STEAP3: variants seen among roughly 807,000 people sequenced by gnomAD.
The protein encoded by STEAP3 is metalloreductase STEAP3.
STEAP3 carries 35 observed loss-of-function variants against 34.9 expected under a neutral mutation model. The ratio of observed to expected loss-of-function variants is 1.00; its 90% CI spans 0.76 to 1.33. The LOEUF (loss-of-function observed/expected upper bound fraction) is 1.33, where lower values mean the gene tolerates loss of function less well. Ranked by LOEUF, STEAP3 falls within the 40% of genes most tolerant of loss-of-function variation. The pLI is 0.00. For missense variants in STEAP3, 652 were observed against 667.6 expected, an observed-to-expected ratio of 0.98 and a Z score of 0.26; for synonymous variants, 281 against 301.6, an observed-to-expected ratio of 0.93 and a Z score of 0.71.
chr2:119,245,463 G>C lies in STEAP3; in HGVS notation c.23-26G>C, dbSNP rs761300528. 14 of 1,556,692 alleles carry C rather than the reference G, an allele frequency of 9.0e-6. No individual in the cohort carries two copies. In the East Asian group the frequency reaches 3.2e-4, roughly 35 times the overall value. On this transcript the variant is annotated intron_variant, in intron 2 of 5. Transcript: ENST00000393110. Reference sequence around the variant, plus strand: ...AGGGGCAGTCCAGGAGCCCTCCACTGACCAGGTTCCTGACTTCTCTTGCAG... The same window carrying C: ...AGGGGCAGTCCAGGAGCCCTCCACTCACCAGGTTCCTGACTTCTCTTGCAG...
chr2:119,249,948 C>T (rs1677573429), intron 4 of STEAP3, among the ~76,000 whole-genome samples: 1 of 152,170 alleles, frequency 6.6e-6, no homozygotes, highest in African/African-American at 2.4e-5. Flanking sequence ...CTAAGAGCTT[C>T]GTACACCACT....
At chr2:119,238,192 T>C (rs1409099351) in intron 2 of STEAP3, among the ~76,000 whole-genome samples, 2 of 152,240 alleles carry the variant, frequency 1.3e-5, no homozygotes, top group Non-Finnish European at 2.9e-5. Context: ...CTGGGTCATA[T>C]AGAAACTGTT....
intron 2 of STEAP3, among the ~76,000 whole-genome samples, chr2:119,240,395 C>A (rs893060933): frequency 6.6e-6 from 1 of 152,250 alleles, no homozygotes; most frequent in African/African-American, 2.4e-5. Flanking sequence ...CCACAGCCAG[C>A]CTCTGATTGC....
chr2:119,232,863 C>T (rs950004622), intron 2 of STEAP3, among the ~76,000 whole-genome samples: 1 of 152,184 alleles, frequency 6.6e-6, no homozygotes, highest in Non-Finnish European at 1.5e-5. Context: ...CATCCTGTTA[C>T]CTGTGCTGCA....
chr2:119,262,125 G>A (rs72954942), intron 5 of STEAP3, among the ~76,000 whole-genome samples: 9,579 of 152,154 alleles, frequency 0.063, 732 homozygotes, highest in African/African-American at 0.18. Context: ...CACAGGCCCC[G>A]TGAGTCCCCT....
chr2:119,262,899 T>A (rs1330368783), intron 5 of STEAP3, among the ~76,000 whole-genome samples, 158 bp from the exon 6 acceptor site: 1 of 152,166 alleles, frequency 6.6e-6, no homozygotes, highest in African/African-American at 2.4e-5. Context: ...TATCATAAGA[T>A]CACACTAAGA....
At chr2:119,261,530 G>A (rs1677942379) in intron 5 of STEAP3, among the ~76,000 whole-genome samples, 1 of 152,020 alleles carries the variant, frequency 6.6e-6, no homozygotes, top group Admixed American at 6.6e-5. Flanking sequence ...CGACTCCCTC[G>A]CTCTCGGTGC....
At chr2:119,226,835 G>T (rs552003580) in intron 1 of STEAP3, among the ~76,000 whole-genome samples, 1 of 152,220 alleles carries the variant, frequency 6.6e-6, no homozygotes, top group South Asian at 2.1e-4. Flanking sequence ...ATCTACAGGA[G>T]CTCATTTGTA....
Position 119,245,951 on chromosome 2 carries a change from G to A in STEAP3, c.485G>A (p.Trp162Ter), listed in dbSNP as rs1677410792. 1 of 1,613,714 alleles carries A rather than the reference G, an allele frequency of 6.2e-7. No individual in the cohort carries two copies. The highest frequency in any genetic ancestry group is 8.5e-7 in the Non-Finnish European group (1 of 1,179,998). The stretch of plus-strand genomic sequence containing the variant: ...AAGGCCTTCAATGTCATCTCTGCCT[G>A]GACCCTGCAGGCTGGCCCAAGGGAT... ...VVKAFNVISA[W>*]TLQAGPRDGN... Residue 162 changes from tryptophan (W) to a stop codon, truncating the protein, a stop_gained, in exon 3 of 6, where the codon TGG (tryptophan) becomes TAG (stop). Transcript: ENST00000393110. LOFTEE classifies it high-confidence loss of function.
chr2:119,247,684 C>A lies in STEAP3; in HGVS notation c.528C>A (p.Pro176=), dbSNP rs1296098084. 1.3e-6 allele frequency: 2 copies of A among 1,533,636 alleles called. No individual in the cohort carries two copies. The highest frequency in any genetic ancestry group is 1.7e-6 in the Non-Finnish European group (2 of 1,144,368). ...GCCCCACTTTTCTCCCGCAGGTGCC[C>A]ATCTGCGGTGACCAGCCAGAAGCCA... The part of the protein sequence containing the change: ...AGPRDGNRQV[P]ICGDQPEAKR... The change falls in exon 4 of 6, where the codon CCC becomes CCA. Residue 176 remains proline (P), a synonymous_variant. Coordinates refer to ENST00000393110, the MANE Select transcript of STEAP3 (RefSeq NM_182915.3).
At position 119,259,236 on chromosome 2, in the gene STEAP3, C is replaced by T. The variant is rs1297037371; in HGVS notation, c.1216-3821C>T. On this transcript the variant is annotated intron_variant, in intron 5 of 5. Coordinates refer to ENST00000393110, the MANE Select transcript of STEAP3 (RefSeq NM_182915.3). ...AATTGAGCACCAGCAGGAGCTACAA[C>T]GACCTGGCTGTTTCTTTTTTGCTAA... Among the ~76,000 whole-genome samples, 4 of 152,222 alleles carry T rather than the reference C, an allele frequency of 2.6e-5. No homozygotes were observed. In the East Asian group the frequency reaches 5.8e-4, roughly 22 times the overall value.
intron 4 of STEAP3, among the ~76,000 whole-genome samples, chr2:119,254,315 T>C (rs1677710978): frequency 6.6e-6 from 1 of 152,108 alleles, no homozygotes; most frequent in South Asian, 2.1e-4. Context: ...TCTGCTGATG[T>C]GACTGTTCTG....
chr2:119,236,106 G>T (rs1422787252), intron 2 of STEAP3, among the ~76,000 whole-genome samples: 1 of 152,220 alleles, frequency 6.6e-6, no homozygotes, highest in Non-Finnish European at 1.5e-5. Flanking sequence ...CACATTTTTA[G>T]AAGATTTTAA....
At chr2:119,234,653 A>G (rs708674) in intron 2 of STEAP3, among the ~76,000 whole-genome samples, 151,933 of 152,374 alleles carry the variant, frequency 1, 75,750 homozygotes, top group Middle Eastern at 1. Flanking sequence ...TGGGAATAAC[A>G]AATAAGAGAA....
Position 119,263,373 on chromosome 2 carries a change from G to C in STEAP3, c.*35G>C. 10 of 1,597,810 alleles carry C rather than the reference G, an allele frequency of 6.3e-6. No homozygotes were observed. Among genetic ancestry groups the C allele is most frequent in the Non-Finnish European group, 8.5e-6 (10 of 1,172,680 alleles). ...CCTGGGCTCTGGACCCCGGGCACAC[G>C]AGGGACGGTGCCCTGAGCCCGTTAG... On this transcript the variant is annotated 3_prime_UTR_variant, in exon 6 of 6. Coordinates refer to ENST00000393110, the MANE Select transcript of STEAP3 (RefSeq NM_182915.3).
At chr2:119,257,788 C>A in intron 5 of STEAP3, 1 of 1,255,828 alleles carries the variant, frequency 8.0e-7, no homozygotes, top group Non-Finnish European at 1.0e-6. Flanking sequence ...AGACACCAGG[C>A]TATGGGGACA....
chr2:119,251,300 G>A (rs1011018935), intron 4 of STEAP3, among the ~76,000 whole-genome samples: 5 of 152,186 alleles, frequency 3.3e-5, no homozygotes, highest in Non-Finnish European at 5.9e-5. Context: ...CTAGGCACAA[G>A]AAACTCCTCC....
chr2:119,226,921 T>C (rs978882144), intron 1 of STEAP3, among the ~76,000 whole-genome samples: 2 of 152,100 alleles, frequency 1.3e-5, no homozygotes, highest in Admixed American at 6.5e-5. Flanking sequence ...GACCCCAACC[T>C]CTTTTTTTCC....
chr2:119,252,235 T>C (rs1358090310), intron 4 of STEAP3, among the ~76,000 whole-genome samples: 1 of 152,232 alleles, frequency 6.6e-6, no homozygotes, highest in African/African-American at 2.4e-5. Flanking sequence ...ATGCTTTTAG[T>C]CCTGCAGTAA....
Sources: allele counts gnomAD v4.1 joint callset (sites outside exome capture counted in the v4.1 genomes callset), GRCh38; gene constraint gnomAD v4.1.1; transcripts MANE v1.5; gene names NCBI Gene and HGNC (gene_info 2026-07-23, HGNC 2026-07-21).